SNX29: variants seen among roughly 807,000 people sequenced by gnomAD.
SNX29 encodes sorting nexin 29.
In SNX29, 78 loss-of-function variants were observed where a neutral mutation model predicts 102.1. The observed-to-expected ratio is 0.76, with a 90% CI of 0.64 to 0.92. The LOEUF is 0.92. SNX29 is among the 40% of genes least tolerant of loss of function. The pLI is 0.00. For synonymous variants in SNX29, 580 were observed against 414.5 expected, an observed-to-expected ratio of 1.40 and a Z score of -4.85; for missense variants, 1,280 against 1,061.7, an observed-to-expected ratio of 1.21 and a Z score of -2.86.
At chr16:12,563,391 C>A (rs66570090) in intron 20 of SNX29, among the ~76,000 whole-genome samples, 39,706 of 152,164 alleles carry the variant, frequency 0.26, 5,778 homozygotes, top group East Asian at 0.44. Context: ...TACCCGTAAC[C>A]ATGAAAATAG....
intron 13 of SNX29, among the ~76,000 whole-genome samples, chr16:12,168,317 G>A (rs1169882367): frequency 1.3e-5 from 2 of 152,172 alleles, no homozygotes; most frequent in Non-Finnish European, 2.9e-5. Flanking sequence ...CAAAAGCCCA[G>A]AAGTGAGCAA....
At chr16:12,165,325 G>A (rs1428432930) in intron 13 of SNX29, among the ~76,000 whole-genome samples, 1 of 152,188 alleles carries the variant, frequency 6.6e-6, no homozygotes, top group Non-Finnish European at 1.5e-5. Context: ...TAGTTATTAT[G>A]TGGTGCATAT....
Position 12,061,645 on chromosome 16 carries a change from A to G in SNX29, c.1242A>G (p.Ala414=). The change falls in exon 9 of 21, where the codon GCA becomes GCG. Residue 414 remains alanine (A), a splice_region_variant and synonymous_variant. Coordinates refer to ENST00000566228, the MANE Select transcript of SNX29 (RefSeq NM_032167.5). ...PVSGVGSYSP[A]DAPLGSLENG... is the part of the protein sequence containing the mutation. ...GTGGCGTGGGCTCCTACAGCCCAGC[A>G]GGTGGGTGTCTCCCGATTACTCCTT... The G allele has an allele frequency of 6.2e-7, 1 of 1,609,098 alleles. No homozygotes were observed. Among genetic ancestry groups the G allele is most frequent in the Non-Finnish European group, 8.5e-7 (1 of 1,177,758 alleles).
intron 20 of SNX29, among the ~76,000 whole-genome samples, chr16:12,555,390 C>T (rs918484096): frequency 7.2e-5 from 11 of 151,878 alleles, no homozygotes; most frequent in South Asian, 2.1e-4. Context: ...TCTTTCCCTG[C>T]GTGTCTGCTG....
intron 18 of SNX29, among the ~76,000 whole-genome samples, chr16:12,439,466 C>CT (rs201301502): frequency 0.026 from 3,886 of 152,252 alleles, 85 homozygotes; most frequent in East Asian, 0.096. Flanking sequence ...TCACAGTTCC[C>CT]ATGACTGGGG....
chr16:12,556,038 T>C (rs2078323545), intron 20 of SNX29, among the ~76,000 whole-genome samples: 1 of 152,216 alleles, frequency 6.6e-6, no homozygotes, highest in African/African-American at 2.4e-5. Context: ...ACCGTAGTGC[T>C]GAGTGACGCT....
intron 15 of SNX29, among the ~76,000 whole-genome samples, chr16:12,307,430 G>T (rs896289536): frequency 6.6e-6 from 1 of 152,208 alleles, no homozygotes; most frequent in Non-Finnish European, 1.5e-5. Flanking sequence ...AACATCATGA[G>T]GACAGTGCCA....
chr16:12,303,480 G>A (rs1184963153), intron 15 of SNX29, among the ~76,000 whole-genome samples: 1 of 152,210 alleles, frequency 6.6e-6, no homozygotes, highest in Non-Finnish European at 1.5e-5. Context: ...CGAAGAAAGC[G>A]AGTTACAGCC....
intron 14 of SNX29, among the ~76,000 whole-genome samples, chr16:12,236,726 C>T (rs1188380718): frequency 2.6e-5 from 4 of 152,240 alleles, no homozygotes; most frequent in Admixed American, 1.3e-4. Context: ...GAGATGCTGG[C>T]GTTCCTCTTT....
rs1598135637 is a variant in SNX29 at position 12,570,189 on chromosome 16, T to TA, written c.*1561dup. ...CCACCCCAGAGAAACCGAGTCAGCC[T>TA]ACATGACTTCCAAGGGGACCTGGGG... On this transcript the variant is annotated 3_prime_UTR_variant, in exon 21 of 21. Coordinates refer to ENST00000566228, the MANE Select transcript of SNX29 (RefSeq NM_032167.5). 3 of 1,065,026 alleles carry TA rather than the reference T, an allele frequency of 2.8e-6. No individual in the cohort carries two copies. The East Asian group carries it at 1.5e-4, about 53-fold the overall frequency. 66.0% of individuals were successfully genotyped at this position (1,065,026 alleles called of 1,614,324 possible).
intron 18 of SNX29, among the ~76,000 whole-genome samples, chr16:12,476,389 T>TATATATATATATAC (rs1567603171): frequency 3.9e-3 from 55 of 13,946 alleles, no homozygotes; most frequent in Non-Finnish European, 5.2e-3. Flanking sequence ...AAAAAATATA[T>TATATATATATATAC]ATATATATAT....
rs367713038 is a variant in SNX29 at position 12,573,844 on chromosome 16, T to TC, written c.*5217dup. The TC allele has an allele frequency of 5.8e-3, 1,242 of 213,304 alleles. 15 individuals carry two copies. The highest frequency in any genetic ancestry group is 0.026 in the African/African-American group (1,133 of 44,284). 13.2% of individuals were successfully genotyped at this position (213,304 alleles called of 1,614,324 possible). ...TGGAATTTTTATTATCCAGGACTCA[T>TC]CCTAAGAAGAATGTTGGCCTCTCTT... On this transcript the variant is annotated 3_prime_UTR_variant, in exon 21 of 21. Coordinates refer to ENST00000566228, the MANE Select transcript of SNX29 (RefSeq NM_032167.5).
At chr16:12,351,058 C>G (rs2081978846) in intron 15 of SNX29, among the ~76,000 whole-genome samples, 1 of 152,164 alleles carries the variant, frequency 6.6e-6, no homozygotes, top group Admixed American at 6.5e-5. Flanking sequence ...GTTCAAATCC[C>G]CACTCTGTCA....
intron 16 of SNX29, among the ~76,000 whole-genome samples, chr16:12,389,922 G>A (rs1010671108): frequency 3.9e-5 from 6 of 152,216 alleles, no homozygotes; most frequent in Non-Finnish European, 5.9e-5. Flanking sequence ...AAGCAGGAGC[G>A]AGTTTGGGTT....
intron 4 of SNX29, among the ~76,000 whole-genome samples, chr16:12,037,431 C>A (rs570536822): frequency 2.0e-5 from 3 of 152,204 alleles, no homozygotes; most frequent in African/African-American, 7.2e-5. Context: ...GAGACACTCA[C>A]TTTGGCCACA....
chr16:12,474,540 G>A (rs1352416270), intron 18 of SNX29, among the ~76,000 whole-genome samples: 1 of 152,166 alleles, frequency 6.6e-6, no homozygotes, highest in Non-Finnish European at 1.5e-5. Flanking sequence ...GAGGGAGACT[G>A]AGGCCTCCAG....
chr16:11,989,228 C>T (rs979786248), intron 1 of SNX29, among the ~76,000 whole-genome samples: 6 of 152,132 alleles, frequency 3.9e-5, no homozygotes, highest in Admixed American at 2.0e-4. Context: ...CTGCCTTGGC[C>T]TCCCAAAGTG....
At chr16:12,091,252 C>T (rs1318498618) in intron 11 of SNX29, among the ~76,000 whole-genome samples, 1 of 152,066 alleles carries the variant, frequency 6.6e-6, no homozygotes, top group Admixed American at 6.5e-5. Context: ...GCAGGGTTCA[C>T]ACCCGCTCCC....
chr16:12,002,423 G>A (rs1218791542), intron 2 of SNX29, among the ~76,000 whole-genome samples: 1 of 149,350 alleles, frequency 6.7e-6, no homozygotes, highest in African/African-American at 2.5e-5. Context: ...TCCAGCCTGG[G>A]CAACAAGAGT....
Sources: allele counts gnomAD v4.1 joint callset (sites outside exome capture counted in the v4.1 genomes callset), GRCh38; gene constraint gnomAD v4.1.1; transcripts MANE v1.5; gene names NCBI Gene and HGNC (gene_info 2026-07-23, HGNC 2026-07-21).